The following XRRA1 variants were observed in gnomAD, a reference collection of about 807,000 sequenced individuals.
XRRA1 encodes the protein X-ray radiation resistance associated 1.
XRRA1 carries 69 observed loss-of-function variants against 80.2 expected under a neutral mutation model. The ratio of observed to expected loss-of-function variants is 0.86; its 90% CI spans 0.71 to 1.05. The LOEUF (loss-of-function observed/expected upper bound fraction) is 1.05, where lower values mean the gene tolerates loss of function less well. Among genes scored for constraint, XRRA1 ranks in the 50% least tolerant of loss-of-function variants. The probability of loss-of-function intolerance (pLI) is 0.00; values close to 1 mark genes in which losing one functional copy is unlikely to be tolerated. For synonymous variants in XRRA1, 348 were observed against 389.9 expected (o/e 0.89, Z 1.27); for missense variants, 967 against 976.4 (o/e 0.99, Z 0.13).
Position 74,937,003 on chromosome 11 carries a change from C to T in XRRA1, c.160G>A (p.Ala54Thr). The change falls in exon 4 of 19, where the codon GCA becomes ACA. Residue 54 changes from alanine (A) to threonine (T), a missense_variant. Coordinates refer to ENST00000684022, the MANE Select transcript of XRRA1 (RefSeq NM_001378157.1). Reference sequence around the variant, plus strand: ...AGGCTTTCCCGACGTTCAGCTTGTGCTCCAACCAAACCCTTGGGCTTCTTC... The same window carrying T: ...AGGCTTTCCCGACGTTCAGCTTGTGTTCCAACCAAACCCTTGGGCTTCTTC... ...LKKKPKGLVG[A>T]QAERRESLKA... The T allele has an allele frequency of 6.2e-7, 1 of 1,613,924 alleles. No individual in the cohort carries two copies. Among genetic ancestry groups the T allele is most frequent in the Non-Finnish European group, 8.5e-7 (1 of 1,179,884 alleles).
intron 10 of XRRA1, among the ~76,000 whole-genome samples, chr11:74,895,101 A>C (rs1457676328): frequency 1.3e-5 from 2 of 152,214 alleles, no homozygotes; most frequent in African/African-American, 2.4e-5. Flanking sequence ...AAGAACAAAA[A>C]CGCAGGTGAG....
At chr11:74,920,336 A>G (rs1230862697) in intron 8 of XRRA1, among the ~76,000 whole-genome samples, 3 of 152,248 alleles carry the variant, frequency 2.0e-5, no homozygotes, top group African/African-American at 7.2e-5. Context: ...TTGAGCAACT[A>G]GCCAACCACA....
intron 5 of XRRA1, among the ~76,000 whole-genome samples, chr11:74,932,630 T>C (rs762875494): frequency 5.3e-5 from 8 of 152,196 alleles, no homozygotes; most frequent in Non-Finnish European, 5.9e-5. Context: ...CCAGCCATGT[T>C]GTAGCCCTCA....
intron 10 of XRRA1, among the ~76,000 whole-genome samples, chr11:74,886,704 G>GAAAA (rs150041377): frequency 6.6e-6 from 1 of 151,914 alleles, no homozygotes; most frequent in Admixed American, 6.6e-5. Context: ...CACCAAATTA[G>GAAAA]AAAAAAGTAT....
chr11:74,895,057 T>G (rs1305530794), intron 10 of XRRA1, among the ~76,000 whole-genome samples: 1 of 152,018 alleles, frequency 6.6e-6, no homozygotes, highest in Non-Finnish European at 1.5e-5. Context: ...CACCAAATTT[T>G]AACAGTTATC....
intron 10 of XRRA1, among the ~76,000 whole-genome samples, chr11:74,882,578 G>A (rs1212903868): frequency 6.6e-6 from 1 of 152,224 alleles, no homozygotes; most frequent in African/African-American, 2.4e-5. Flanking sequence ...TGGAGGAGGA[G>A]AGGCGCTCTG....
At chr11:74,870,912 G>T (rs757456617) in intron 10 of XRRA1, among the ~76,000 whole-genome samples, 3 of 152,150 alleles carry the variant, frequency 2.0e-5, no homozygotes, top group Non-Finnish European at 4.4e-5. Flanking sequence ...TTCTTTTAAG[G>T]CACTTATTCT....
At position 74,843,778 on chromosome 11, in the gene XRRA1, C is replaced by T. The variant is rs975660776; in HGVS notation, c.2149+76G>A. 2.2e-6 allele frequency: 3 copies of T among 1,339,950 alleles called. No homozygotes were observed. In the Admixed American group the frequency reaches 5.9e-5, roughly 26 times the overall value. 83.0% of individuals were successfully genotyped at this position (1,339,950 alleles called of 1,614,324 possible). A position where few individuals can be genotyped will look rare whatever the true frequency, so the allele number is the denominator to read the frequency against. ...TCTCTAAGGGCCTTTCCTGCACTGA[C>T]ACAAGCCCTTTCTTTGCCTTTAGCC... On this transcript the variant is annotated intron_variant, in intron 18 of 18. Coordinates refer to ENST00000684022, the MANE Select transcript of XRRA1 (RefSeq NM_001378157.1).
chr11:74,862,632 G>A (rs2042547896), intron 11 of XRRA1, among the ~76,000 whole-genome samples: 1 of 152,214 alleles, frequency 6.6e-6, no homozygotes, highest in South Asian at 2.1e-4. Flanking sequence ...GGAGCTGCTG[G>A]TAGCAGCCCC....
At chr11:74,943,671 T>C (rs1276316536) in intron 2 of XRRA1, among the ~76,000 whole-genome samples, 1 of 151,994 alleles carries the variant, frequency 6.6e-6, no homozygotes, top group Non-Finnish European at 1.5e-5. Flanking sequence ...TTGCCAGAGC[T>C]TCACTTTTTT....
At chr11:74,845,953 G>A (rs2038008175) in intron 15 of XRRA1, 2 of 152,374 alleles carry the variant, frequency 1.3e-5, no homozygotes, top group Admixed American at 1.3e-4. Context: ...CTACTCAGGA[G>A]GCTGAGATGG....
At position 74,907,153 on chromosome 11, in the gene XRRA1, C is replaced by A. The variant is rs777268710; in HGVS notation, c.777G>T (p.Gly259=). The change falls in exon 9 of 19, where the codon GGG becomes GGT. Residue 259 remains glycine, a synonymous_variant. Transcript: ENST00000684022. ...AAGGCTTATGGCTTTACCTCCTGAG[C>A]CCAGCCAGGCTGGCAAAGCAACTGG... ...SNPSCFASLA[G]LRRLKKLSLD... 6.2e-7 allele frequency: 1 copy of A among 1,613,690 alleles called. No individual in the cohort carries two copies. The highest frequency in any genetic ancestry group is 8.5e-7 in the Non-Finnish European group (1 of 1,179,870).
intron 7 of XRRA1, among the ~76,000 whole-genome samples, chr11:74,922,976 C>G (rs531333094): frequency 6.6e-6 from 1 of 152,222 alleles, no homozygotes; most frequent in East Asian, 1.9e-4. Context: ...TTTAGGAGCT[C>G]CCAGCCTACT....
At chr11:74,945,185 G>C (rs1667299870) in intron 1 of XRRA1, 100 bp from the exon 2 acceptor site, 1 of 151,998 alleles carries the variant, frequency 6.6e-6, no homozygotes, top group African/African-American at 2.4e-5. Flanking sequence ...TCCAATATTT[G>C]TCTTGCCTTT....
At chr11:74,880,571 TC>T (rs1168632285) in intron 10 of XRRA1, among the ~76,000 whole-genome samples, 1 of 150,960 alleles carries the variant, frequency 6.6e-6, no homozygotes. Context: ...CAATTTTGGA[TC>T]TTTCCTGCTT....
intron 6 of XRRA1, among the ~76,000 whole-genome samples, chr11:74,928,991 T>C (rs1942898772): frequency 6.6e-6 from 1 of 152,180 alleles, no homozygotes; most frequent in Non-Finnish European, 1.5e-5. Context: ...CTTGATCCAC[T>C]GTAATTATTA....
chr11:74,865,837 C>T (rs148646893), intron 10 of XRRA1, among the ~76,000 whole-genome samples: 4 of 152,338 alleles, frequency 2.6e-5, no homozygotes, highest in Non-Finnish European at 5.9e-5. Flanking sequence ...CCACATAGCC[C>T]CAGTCCTGTG....
chr11:74,878,890 G>C (rs1013345775), intron 10 of XRRA1, among the ~76,000 whole-genome samples: 2 of 151,858 alleles, frequency 1.3e-5, no homozygotes, highest in Non-Finnish European at 2.9e-5. Context: ...TTTGAAGTCA[G>C]GTAGTGTGAT....
chr11:74,867,833 G>T (rs1431582253), intron 10 of XRRA1, among the ~76,000 whole-genome samples: 6 of 149,322 alleles, frequency 4.0e-5, no homozygotes, highest in Admixed American at 2.6e-4. Flanking sequence ...GAAAGGACAG[G>T]TCACCTACAA....
Sources: gnomAD v4.1 joint callset for allele counts (sites outside exome capture counted in the v4.1 genomes callset) on GRCh38, gnomAD v4.1.1 for gene constraint, MANE v1.5 for transcripts, NCBI Gene and HGNC (gene_info 2026-07-23, HGNC 2026-07-21) for gene names.